PCDH15: variants seen among roughly 807,000 people sequenced by gnomAD.
PCDH15 encodes the protein protocadherin-15.
Under a neutral mutation model 178.5 loss-of-function variants are expected in PCDH15, and 129 were observed. The observed-to-expected ratio is 0.72, with a 90% confidence interval of 0.63 to 0.84. The LOEUF is 0.84. Ranked by LOEUF, PCDH15 falls within the 40% of genes least tolerant of loss-of-function variation. The pLI is 0.00. For missense variants in PCDH15, 2,230 were observed against 2,099.9 expected (o/e 1.06, Z -1.21); for synonymous variants, 800 against 732.0 (o/e 1.09, Z -1.50).
At position 54,585,586 on chromosome 10, in the gene PCDH15, G is replaced by A. The variant is rs72792585; in HGVS notation, c.92-57709C>T. On this transcript the variant is annotated intron_variant, in intron 2 of 37. Coordinates refer to ENST00000644397, the MANE Select transcript of PCDH15 (RefSeq NM_001384140.1). ...TAACAAATAATTCATTCATTTCATT[G>A]GCATCATCAGTCCTCCTAGCAATAT... The A allele has an allele frequency of 7.1e-3, 1,442 of 202,530 alleles. 7 individuals are homozygous for A. Among genetic ancestry groups the A allele is most frequent in the Admixed American group, 0.011 (208 of 19,184 alleles). 12.5% of individuals were successfully genotyped at this position (202,530 alleles called of 1,614,324 possible).
intron 2 of PCDH15, among the ~76,000 whole-genome samples, chr10:55,426,496 A>T (rs995011057): frequency 2.6e-5 from 4 of 152,170 alleles, no homozygotes; most frequent in African/African-American, 4.8e-5. Context: ...CTGCAGCAGC[A>T]TCTGTGGGGG....
chr10:54,509,965 T>C (rs1415071555), intron 3 of PCDH15, among the ~76,000 whole-genome samples: 1 of 152,180 alleles, frequency 6.6e-6, no homozygotes, highest in Non-Finnish European at 1.5e-5. Context: ...TGCGATGTTC[T>C]GGATGGCACT....
chr10:54,916,688 T>TTA (rs1240431323), intron 2 of PCDH15, among the ~76,000 whole-genome samples: 1 of 152,168 alleles, frequency 6.6e-6, no homozygotes, highest in East Asian at 1.9e-4. Flanking sequence ...ATATCACCTT[T>TTA]TATATCTATC....
chr10:54,129,182 A>G (rs1455976455), intron 15 of PCDH15, among the ~76,000 whole-genome samples: 1 of 152,194 alleles, frequency 6.6e-6, no homozygotes, highest in Admixed American at 6.5e-5. Flanking sequence ...TGCGTTATAC[A>G]TATGTCAAAG....
intron 8 of PCDH15, among the ~76,000 whole-genome samples, chr10:54,267,102 T>C (rs2132410260): frequency 6.6e-6 from 1 of 152,044 alleles, no homozygotes; most frequent in South Asian, 2.1e-4. Flanking sequence ...ACTTTATTCC[T>C]GGGATGCAAG....
intron 2 of PCDH15, among the ~76,000 whole-genome samples, chr10:55,557,647 C>T (rs1296853944): frequency 6.6e-6 from 1 of 152,010 alleles, no homozygotes; most frequent in African/African-American, 2.4e-5. Context: ...AAAAAAAAGG[C>T]CCAGCTAGCT....
intron 8 of PCDH15, among the ~76,000 whole-genome samples, chr10:54,265,443 C>T (rs925977029): frequency 1.3e-4 from 20 of 151,172 alleles, no homozygotes; most frequent in Non-Finnish European, 3.0e-5. Context: ...ACATAAATGG[C>T]CTAAATCCTT....
chr10:54,214,568 T>G (rs998972576), intron 9 of PCDH15, among the ~76,000 whole-genome samples: 1 of 152,132 alleles, frequency 6.6e-6, no homozygotes, highest in African/African-American at 2.4e-5. Flanking sequence ...CTGATGATAC[T>G]CTTAATGTCT....
intron 5 of PCDH15, among the ~76,000 whole-genome samples, chr10:54,361,911 G>A (rs975996649): frequency 1.3e-5 from 2 of 151,952 alleles, no homozygotes; most frequent in African/African-American, 4.8e-5. Context: ...CTCAGTTTTG[G>A]AGTGAGAATG....
intron 3 of PCDH15, among the ~76,000 whole-genome samples, chr10:54,512,697 G>C (rs762232119): frequency 6.6e-6 from 1 of 151,940 alleles, no homozygotes; most frequent in Non-Finnish European, 1.5e-5. Context: ...ATGCAGAATA[G>C]TTATTTTTTA....
chr10:55,141,322 A>G (rs907088697), intron 2 of PCDH15, among the ~76,000 whole-genome samples: 2 of 152,076 alleles, frequency 1.3e-5, no homozygotes, highest in African/African-American at 4.8e-5. Context: ...CAAAGGAAAA[A>G]GATACCAAGC....
At chr10:55,188,203 C>T (rs918135916) in intron 1 of PCDH15, among the ~76,000 whole-genome samples, 3 of 151,860 alleles carry the variant, frequency 2.0e-5, no homozygotes, top group Admixed American at 6.6e-5. Context: ...CATTTTATAT[C>T]GTGTTTATGT....
At chr10:54,572,834 A>G (rs188096704) in intron 2 of PCDH15, among the ~76,000 whole-genome samples, 3 of 152,150 alleles carry the variant, frequency 2.0e-5, no homozygotes, top group Non-Finnish European at 4.4e-5. Context: ...GAGAAAAAGG[A>G]TAATTCACTT....
chr10:54,687,593 A>C (rs901327821), intron 1 of PCDH15, among the ~76,000 whole-genome samples: 18 of 152,092 alleles, frequency 1.2e-4, no homozygotes, highest in Non-Finnish European at 2.2e-4. Flanking sequence ...GATTCCTGTT[A>C]AGTCAGCTTA....
intron 2 of PCDH15, among the ~76,000 whole-genome samples, chr10:55,080,464 T>A (rs186212600): frequency 6.6e-6 from 1 of 152,080 alleles, no homozygotes; most frequent in Admixed American, 6.6e-5. Flanking sequence ...GTTCCAAAAA[T>A]GTTGGGTACC....
intron 13 of PCDH15, among the ~76,000 whole-genome samples, chr10:54,182,381 T>A (rs768198604): frequency 6.6e-6 from 1 of 152,192 alleles, no homozygotes; most frequent in Non-Finnish European, 1.5e-5. Flanking sequence ...GGCATTACAG[T>A]GGCAAACAAG....
chr10:55,282,544 A>T (rs917470014), intron 1 of PCDH15, among the ~76,000 whole-genome samples: 2 of 152,198 alleles, frequency 1.3e-5, no homozygotes, highest in Non-Finnish European at 2.9e-5. Context: ...GCTTTCTGAG[A>T]GTAAATTCAA....
At position 53,858,237 on chromosome 10, in the gene PCDH15, T is replaced by C. The variant is rs533903721; in HGVS notation, c.3718-974A>G. ...TGAGTTAGGCATATTTAGCACCGTA[T>C]CTCAATACAATCTACAGTAGGGAGT... is the stretch of plus-strand genomic sequence containing the variant. On this transcript the variant is annotated intron_variant, in intron 27 of 37. Transcript: ENST00000644397. Among the ~76,000 whole-genome samples, 5 of 152,252 alleles carry C rather than the reference T, an allele frequency of 3.3e-5. No homozygotes were observed. The South Asian group carries it at 1.0e-3, about 32-fold the overall frequency.
intron 2 of PCDH15, among the ~76,000 whole-genome samples, chr10:55,470,224 C>T (rs1030901417): frequency 6.6e-6 from 1 of 151,820 alleles, no homozygotes; most frequent in African/African-American, 2.4e-5. Flanking sequence ...GGTGGTTTGG[C>T]CTATAGTCTC....
Sources: allele counts gnomAD v4.1 joint callset (sites outside exome capture counted in the v4.1 genomes callset), GRCh38; gene constraint gnomAD v4.1.1; transcripts MANE v1.5; gene names NCBI Gene and HGNC (gene_info 2026-07-23, HGNC 2026-07-21).